Variants in ARHGAP27 observed in about 807,000 individuals in gnomAD.
ARHGAP27 encodes the protein rho GTPase-activating protein 27.
Under a neutral mutation model 102.0 loss-of-function variants are expected in ARHGAP27, and 53 were observed. That is an observed-to-expected ratio of 0.52 (90% CI 0.42 to 0.65). The LOEUF (loss-of-function observed/expected upper bound fraction) is 0.65. Among genes scored for constraint, ARHGAP27 ranks in the 30% least tolerant of loss-of-function variants. The pLI, the probability that ARHGAP27 is intolerant of heterozygous loss-of-function variation, is 0.00. For synonymous variants in ARHGAP27, 525 were observed against 542.8 expected (o/e 0.97, Z 0.46); for missense variants, 1,117 against 1,256.2 (o/e 0.89, Z 1.68).
chr17:45,403,743 C>A (rs573372291), intron 10 of ARHGAP27, 34 bp from the exon 11 acceptor site: 3 of 1,581,940 alleles, frequency 1.9e-6, no homozygotes, highest in South Asian at 2.2e-5. Context: ...GGTGGCAGGA[C>A]TTAGATTTGG....
rs772819328 is a variant in ARHGAP27 at position 45,430,258 on chromosome 17, C to G, written c.22G>C (p.Asp8His). The change falls in exon 4 of 20, where the codon GAC becomes CAC. Residue 8 changes from aspartate to histidine, a missense_variant. Asp to His is a moderately conservative substitution (Grantham distance 81, BLOSUM62 -1). Transcript: ENST00000685559. The surrounding 1 kb of genome is among the most constrained non-coding windows in gnomAD (Gnocchi z 4.4). MAADVVG[D>H]VYVLVEHPFE... ...GGGTGCTCCACCAGCACGTACACGT[C>G]CCCCACCACGTCCGCCGCCATCGCA... 15 of 1,578,438 alleles carry G rather than the reference C, an allele frequency of 9.5e-6. No homozygotes were observed. Among genetic ancestry groups the G allele is most frequent in the Non-Finnish European group, 1.3e-5 (15 of 1,170,642 alleles).
chr17:45,395,663 C>T, intron 19 of ARHGAP27, 30 bp from the exon 20 acceptor site: 1 of 1,582,856 alleles, frequency 6.3e-7, no homozygotes, highest in Non-Finnish European at 8.6e-7. Flanking sequence ...GTTCAGGGCT[C>T]CGAACTGCGA....
At chr17:45,403,585 T>C (rs1230061110) in intron 11 of ARHGAP27, 34 bp downstream of exon 11, 1 of 1,502,434 alleles carries the variant, frequency 6.7e-7, no homozygotes, top group African/African-American at 1.4e-5. Flanking sequence ...AAAAAGCAGA[T>C]GGGATGGTCC....
Position 45,430,999 on chromosome 17 carries a change from C to T in ARHGAP27, c.-19+622G>A, listed in dbSNP as rs1261155251. Among the ~76,000 whole-genome samples the T allele has an allele frequency of 1.3e-5, 2 of 152,064 alleles. No individual in the cohort carries two copies. Among genetic ancestry groups the T allele is most frequent in the African/African-American group, 4.8e-5 (2 of 41,404 alleles). On this transcript the variant is annotated intron_variant, in intron 3 of 19. Coordinates refer to ENST00000685559, the MANE Select transcript of ARHGAP27 (RefSeq NM_001282290.2). This position sits in a 1 kb window ranked among gnomAD's most constrained non-coding sequence, Gnocchi z 4.4. ...AGCTGCATCACCGCAGACGTGAGCC[C>T]GAGCCCGGCCCGCCCAGCCCGGCCC...
intron 10 of ARHGAP27, 97 bp downstream of exon 10, chr17:45,403,932 T>C: frequency 1.5e-6 from 2 of 1,370,444 alleles, no homozygotes; most frequent in Admixed American, 1.9e-5. Flanking sequence ...ACGAAGTTGT[T>C]GTGAGGATTA....
In ARHGAP27 at chr17:45,395,464, G is replaced by A. The variant is rs1405825746; in HGVS notation, c.2662C>T (p.Pro888Ser). ...CAGTCACAGGCCAGCAGTCAGTGCG[G>A]CGGGAAGATGTCCGCGCACTGCTGC... ...ILQQCADIFP[P>S]H The change falls in exon 20 of 20, where the codon CCG (proline) becomes TCG (serine). Residue 888 changes from proline (P) to serine (S), a missense_variant. This residue lies in a region of ARHGAP27 where 493 missense variants were observed against 505.5 expected (regional missense o/e 0.98). Coordinates refer to ENST00000685559, the MANE Select transcript of ARHGAP27 (RefSeq NM_001282290.2). 2 of 1,561,458 alleles carry A rather than the reference G, an allele frequency of 1.3e-6. No individual in the cohort carries two copies. The highest frequency in any genetic ancestry group is 2.3e-5 in the South Asian group (2 of 85,108).
intron 4 of ARHGAP27, among the ~76,000 whole-genome samples, chr17:45,421,421 G>A (rs761836854): frequency 6.6e-6 from 1 of 151,928 alleles, no homozygotes; most frequent in Non-Finnish European, 1.5e-5. Context: ...GGTCGAGGCT[G>A]CAGTGAGCCG....
At chr17:45,425,289 A>G (rs956270180) in intron 4 of ARHGAP27, among the ~76,000 whole-genome samples, 1 of 152,054 alleles carries the variant, frequency 6.6e-6, no homozygotes, top group African/African-American at 2.4e-5. Context: ...AGTCCCTTCA[A>G]CTTGGCCTCA....
chr17:45,405,579 C>A, intron 5 of ARHGAP27, 97 bp downstream of exon 5: 2 of 1,429,854 alleles, frequency 1.4e-6, no homozygotes, highest in Non-Finnish European at 1.9e-6. Context: ...CCACCCATCA[C>A]CACCCCCTCA....
At position 45,396,124 on chromosome 17, in the gene ARHGAP27, C is replaced by T. The variant is rs774828773; in HGVS notation, c.2252-7G>A. The T allele has an allele frequency of 3.9e-5, 63 of 1,607,444 alleles. 1 individual carries two copies. The highest frequency in any genetic ancestry group is 3.3e-4 in the Middle Eastern group (2 of 6,030). ...TCCAGGTCAAGGCGCTCATCTGTGG[C>T]GGAGGAAGGGAGGAGGACGGAAGGG... On this transcript the variant is annotated splice_region_variant and splice_polypyrimidine_tract_variant and intron_variant, in intron 17 of 19. Transcript: ENST00000685559.
At chr17:45,426,212 C>T (rs1188910159) in intron 4 of ARHGAP27, among the ~76,000 whole-genome samples, 3 of 152,088 alleles carry the variant, frequency 2.0e-5, no homozygotes, top group South Asian at 2.1e-4. Flanking sequence ...GTGTGAGCTT[C>T]GTCGTGTCAC....
At position 45,395,408 on chromosome 17, in the gene ARHGAP27, A is replaced by G. The variant is rs1158540646; in HGVS notation, c.*48T>C. ...CCCGGCTGCGTGGCCTCCGCCGCCC[A>G]GCTTGTGTGGCAGGACCGCGGCCGC... is the stretch of plus-strand genomic sequence containing the variant. On this transcript the variant is annotated 3_prime_UTR_variant, in exon 20 of 20. Coordinates refer to ENST00000685559, the MANE Select transcript of ARHGAP27 (RefSeq NM_001282290.2). 1 of 1,522,792 alleles carries G rather than the reference A, an allele frequency of 6.6e-7. No individual in the cohort carries two copies. The highest frequency in any genetic ancestry group is 2.1e-5 in the Admixed American group (1 of 48,654). The allele number at this position is 1,522,792 out of a possible 1,614,324, so 94.3% of individuals were successfully genotyped here.
chr17:45,400,381 G>A (rs190560317), intron 12 of ARHGAP27, among the ~76,000 whole-genome samples: 4 of 152,310 alleles, frequency 2.6e-5, no homozygotes, highest in African/African-American at 9.6e-5. Context: ...AGGCCGCCCT[G>A]CATGGAGGGA....
Position 45,430,255 on chromosome 17 carries a change from C to G in ARHGAP27, c.25G>C (p.Val9Leu). 1.3e-6 allele frequency: 2 copies of G among 1,578,096 alleles called. No individual in the cohort carries two copies. The highest frequency in any genetic ancestry group is 1.7e-5 in the Admixed American group (1 of 57,162). Reference protein sequence around the residue: MAADVVGDVYVLVEHPFEY... With the variant: MAADVVGDLYVLVEHPFEY... ...AAGGGGTGCTCCACCAGCACGTACA[C>G]GTCCCCCACCACGTCCGCCGCCATC... Residue 9 changes from valine (V) to leucine (L), a missense_variant, in exon 4 of 20, where the codon GTG becomes CTG. Transcript: ENST00000685559. The surrounding 1 kb of genome is among the most constrained non-coding windows in gnomAD (Gnocchi z 4.4).
intron 4 of ARHGAP27, among the ~76,000 whole-genome samples, chr17:45,415,673 C>A (rs1876642427): frequency 6.6e-6 from 1 of 152,202 alleles, no homozygotes; most frequent in African/African-American, 2.4e-5. Context: ...ATTGATCCGA[C>A]CAGCCTAAGC....
At chr17:45,396,351 C>T in intron 16 of ARHGAP27, 67 bp from the exon 17 acceptor site, 1 of 1,509,856 alleles carries the variant, frequency 6.6e-7, no homozygotes, top group Non-Finnish European at 8.9e-7. Flanking sequence ...CGGGTCCCTG[C>T]TATGACTCCC....
rs777784651 is a variant in ARHGAP27 at position 45,396,750 on chromosome 17, C to T, written c.1992G>A (p.Leu664=). The T allele has an allele frequency of 3.7e-6, 6 of 1,613,716 alleles. No individual in the cohort carries two copies. The Admixed American group carries it at 6.7e-5, about 18-fold the overall frequency. The change falls in exon 15 of 20, where the codon TTG becomes TTA. Residue 664 remains leucine (L), a synonymous_variant. Coordinates refer to ENST00000685559, the MANE Select transcript of ARHGAP27 (RefSeq NM_001282290.2). Reference sequence around the variant, plus strand: ...TGCGGAGCTTGTGCCGGACCTTGCTCAAGTCGCTCTCCAGGCCCACGGGGC... The same window carrying T: ...TGCGGAGCTTGTGCCGGACCTTGCTTAAGTCGCTCTCCAGGCCCACGGGGC... ...ALGPVGLESD[L]SKVRHKLRKF...
intron 4 of ARHGAP27, among the ~76,000 whole-genome samples, chr17:45,426,277 G>A (rs1007539669): frequency 1.2e-4 from 18 of 152,082 alleles, no homozygotes; most frequent in Admixed American, 5.9e-4. Context: ...GCCTACGCCT[G>A]CCTTCCAAGC....
At position 45,414,607 on chromosome 17, in the gene ARHGAP27, G is replaced by A. The variant is rs903865481; in HGVS notation, c.658-8524C>T. ...AGTACAGGCCCACACCACCACGCCC[G>A]GCTAATTTTTTTTTTTTTTTTTTTA... is the stretch of plus-strand genomic sequence containing the variant. On this transcript the variant is annotated intron_variant, in intron 4 of 19. Coordinates refer to ENST00000685559, the MANE Select transcript of ARHGAP27 (RefSeq NM_001282290.2). Among the ~76,000 whole-genome samples, 8 of 132,852 alleles carry A rather than the reference G, an allele frequency of 6.0e-5. No individual in the cohort carries two copies. In the East Asian group the frequency reaches 7.1e-4, roughly 12 times the overall value. 87.2% of individuals were successfully genotyped at this position (132,852 alleles called of 152,430 possible).
Sources: allele counts gnomAD v4.1 joint callset (sites outside exome capture counted in the v4.1 genomes callset), GRCh38; gene constraint gnomAD v4.1.1; regional missense constraint gnomAD v4.1.1; non-coding constraint Gnocchi (gnomAD v3.1); transcripts MANE v1.5; gene names NCBI Gene and HGNC (gene_info 2026-07-23, HGNC 2026-07-21).